The following KCNIP1 variants were observed in gnomAD, a reference collection of about 807,000 sequenced individuals.
KCNIP1 encodes potassium voltage-gated channel interacting protein 1.
A neutral mutation model predicts 33.0 loss-of-function variants in KCNIP1; 18 were observed. That is an observed-to-expected ratio of 0.55 (90% CI 0.38 to 0.81). The LOEUF is 0.81. Ranked by LOEUF, KCNIP1 falls within the 30% of genes least tolerant of loss-of-function variation. The pLI is 0.00. For missense variants in KCNIP1, 238 were observed against 271.6 expected, an observed-to-expected ratio of 0.88 and a Z score of 0.87; for synonymous variants, 93 against 98.3, an observed-to-expected ratio of 0.95 and a Z score of 0.32.
chr5:170,537,147 G>A (rs1228269791), intron 1 of KCNIP1, among the ~76,000 whole-genome samples: 1 of 152,138 alleles, frequency 6.6e-6, no homozygotes, highest in African/African-American at 2.4e-5. Context: ...TCTAAATGTG[G>A]CTTCTAGAAC....
intron 1 of KCNIP1, among the ~76,000 whole-genome samples, chr5:170,429,297 C>T (rs746890300): frequency 3.3e-5 from 5 of 152,092 alleles, no homozygotes; most frequent in Admixed American, 6.5e-5. Context: ...CCAGTGTCTA[C>T]AGGATAAAAT....
intron 1 of KCNIP1, among the ~76,000 whole-genome samples, chr5:170,691,569 A>G (rs1762720150): frequency 6.6e-6 from 1 of 152,218 alleles, no homozygotes; most frequent in Non-Finnish European, 1.5e-5. Context: ...AAATTGTAGG[A>G]GAACATTTGG....
chr5:170,683,802 C>A (rs1378370196), intron 1 of KCNIP1, among the ~76,000 whole-genome samples: 1 of 151,666 alleles, frequency 6.6e-6, no homozygotes, highest in Non-Finnish European at 1.5e-5. Flanking sequence ...CAGTTCATTG[C>A]AACCTCTGCC....
chr5:170,424,058 G>A (rs1448544494), intron 1 of KCNIP1, among the ~76,000 whole-genome samples: 1 of 152,196 alleles, frequency 6.6e-6, no homozygotes. Context: ...TAACCATTAG[G>A]CTGGACATAA....
chr5:170,696,498 T>C (rs1029213937), intron 1 of KCNIP1, among the ~76,000 whole-genome samples: 1 of 152,128 alleles, frequency 6.6e-6, no homozygotes, highest in African/African-American at 2.4e-5. Flanking sequence ...ATTGATACTG[T>C]CTGGGGAAGA....
At chr5:170,622,712 G>T (rs1028660160) in intron 1 of KCNIP1, among the ~76,000 whole-genome samples, 1 of 152,130 alleles carries the variant, frequency 6.6e-6, no homozygotes, top group African/African-American at 2.4e-5. Context: ...GCAGCGCGAG[G>T]CTAAGGAGTG....
At chr5:170,652,514 G>GAAGGAAGA (rs1328017416) in intron 1 of KCNIP1, among the ~76,000 whole-genome samples, 1 of 135,584 alleles carries the variant, frequency 7.4e-6, no homozygotes, top group Non-Finnish European at 1.6e-5. Flanking sequence ...AGGAAGGAAG[G>GAAGGAAGA]AAGGAGAAAA....
At chr5:170,471,462 G>T (rs537737187) in intron 1 of KCNIP1, among the ~76,000 whole-genome samples, 1 of 152,288 alleles carries the variant, frequency 6.6e-6, no homozygotes, top group Non-Finnish European at 1.5e-5. Flanking sequence ...TCCCTTCAAG[G>T]GCGAGGGTAG....
At chr5:170,422,502 T>G (rs1755519210) in intron 1 of KCNIP1, 2 of 152,144 alleles carry the variant, frequency 1.3e-5, no homozygotes, top group South Asian at 4.2e-4. Context: ...AAGCCGGGAC[T>G]TGGAACAGGA....
chr5:170,575,405 T>G (rs147584789), intron 1 of KCNIP1, among the ~76,000 whole-genome samples: 1 of 152,326 alleles, frequency 6.6e-6, no homozygotes, highest in African/African-American at 2.4e-5. Context: ...GTATTATATC[T>G]TTAAATATGT....
intron 1 of KCNIP1, among the ~76,000 whole-genome samples, chr5:170,411,155 A>T (rs1755177833): frequency 6.6e-6 from 1 of 152,206 alleles, no homozygotes. Flanking sequence ...CATCCAAGCG[A>T]TGCTAATTGA....
chr5:170,460,948 T>C (rs1247785795), intron 1 of KCNIP1, among the ~76,000 whole-genome samples: 4 of 152,204 alleles, frequency 2.6e-5, no homozygotes, highest in Non-Finnish European at 5.9e-5. Context: ...GATCAAAGAA[T>C]TCAGCAAAGT....
intron 1 of KCNIP1, among the ~76,000 whole-genome samples, chr5:170,654,618 T>C (rs1581453028): frequency 6.6e-6 from 1 of 152,362 alleles, no homozygotes; most frequent in East Asian, 1.9e-4. Context: ...TGTTCATTAC[T>C]GTTTCCCATG....
At chr5:170,657,567 G>T (rs1561746389) in intron 1 of KCNIP1, among the ~76,000 whole-genome samples, 1 of 152,114 alleles carries the variant, frequency 6.6e-6, no homozygotes, top group Non-Finnish European at 1.5e-5. Flanking sequence ...CTTTCCCAAG[G>T]ATAGACAGCT....
chr5:170,365,561 T>A (rs1443416077), intron 1 of KCNIP1, among the ~76,000 whole-genome samples: 1 of 152,200 alleles, frequency 6.6e-6, no homozygotes, highest in African/African-American at 2.4e-5. Context: ...TCCAGTGTGC[T>A]CTGCTCCATT....
At chr5:170,469,128 G>A (rs1027707711) in intron 1 of KCNIP1, among the ~76,000 whole-genome samples, 1 of 152,124 alleles carries the variant, frequency 6.6e-6, no homozygotes, top group African/African-American at 2.4e-5. Flanking sequence ...GGGTGTGGTG[G>A]TTCATGCCTG....
At chr5:170,512,945 G>A (rs567448165) in intron 1 of KCNIP1, among the ~76,000 whole-genome samples, 1 of 152,238 alleles carries the variant, frequency 6.6e-6, no homozygotes, top group Non-Finnish European at 1.5e-5. Context: ...AGCTACTCGG[G>A]AGGTTGAGGC....
At chr5:170,635,314 G>C (rs1000821307) in intron 1 of KCNIP1, among the ~76,000 whole-genome samples, 1 of 152,196 alleles carries the variant, frequency 6.6e-6, no homozygotes, top group South Asian at 2.1e-4. Context: ...ACAGGAGTGA[G>C]CCATCACGCC....
chr5:170,686,682 C>T (rs1335278571), intron 1 of KCNIP1, among the ~76,000 whole-genome samples: 2 of 152,180 alleles, frequency 1.3e-5, no homozygotes, highest in Non-Finnish European at 2.9e-5. Flanking sequence ...CTGTAAAGAA[C>T]ATTCTGTCTA....
Sources: allele counts gnomAD v4.1 joint callset (sites outside exome capture counted in the v4.1 genomes callset), GRCh38; gene constraint gnomAD v4.1.1; transcripts MANE v1.5; gene names NCBI Gene and HGNC (gene_info 2026-07-23, HGNC 2026-07-21).